Variants in DLGAP2 observed in about 807,000 individuals in gnomAD.
DLGAP2 encodes DLG associated protein 2.
A neutral mutation model predicts 100.3 loss-of-function variants in DLGAP2; 26 were observed. The ratio of observed to expected loss-of-function variants is 0.26; its 90% CI spans 0.19 to 0.36. The LOEUF is 0.36. Ranked by LOEUF, DLGAP2 falls within the 10% of genes least tolerant of loss-of-function variation. DLGAP2 has a pLI of 1.00. For missense variants in DLGAP2, 1,858 were observed against 1,453.2 expected (o/e 1.28, Z -4.53); for synonymous variants, 886 against 630.1 (o/e 1.41, Z -6.08).
At chr8:895,491 G>A (rs1311668845) in intron 1 of DLGAP2, among the ~76,000 whole-genome samples, 2 of 152,176 alleles carry the variant, frequency 1.3e-5, no homozygotes, top group Non-Finnish European at 2.9e-5. Context: ...CACGCTTGGC[G>A]CTGATGAGGA....
At chr8:1,320,355 T>C (rs1346383852) in intron 3 of DLGAP2, among the ~76,000 whole-genome samples, 1 of 152,022 alleles carries the variant, frequency 6.6e-6, no homozygotes, top group East Asian at 1.9e-4. Context: ...GAGGGAACCG[T>C]AGCGTCGCAT....
At chr8:1,673,472 C>G (rs1798739001) in intron 10 of DLGAP2, among the ~76,000 whole-genome samples, 1 of 152,248 alleles carries the variant, frequency 6.6e-6, no homozygotes, top group African/African-American at 2.4e-5. Flanking sequence ...ACTTTACCAT[C>G]CAGCAATGGA....
chr8:1,620,118 A>G (rs1253667646), intron 6 of DLGAP2, among the ~76,000 whole-genome samples: 10 of 152,296 alleles, frequency 6.6e-5, no homozygotes, highest in African/African-American at 1.7e-4. Context: ...AAGTTGTTCA[A>G]AAGTTCCACT....
intron 1 of DLGAP2, among the ~76,000 whole-genome samples, chr8:768,873 G>T (rs946540900): frequency 1.3e-5 from 2 of 152,282 alleles, no homozygotes; most frequent in African/African-American, 4.8e-5. Flanking sequence ...TCATGTGTCT[G>T]GGGTCAGGAG....
intron 3 of DLGAP2, among the ~76,000 whole-genome samples, chr8:1,455,570 C>T (rs1166367130): frequency 6.6e-6 from 1 of 152,246 alleles, no homozygotes; most frequent in Non-Finnish European, 1.5e-5. Flanking sequence ...GGACCTTTTG[C>T]TTTTCCTTGC....
chr8:765,963 T>G (rs1292700094), intron 1 of DLGAP2, among the ~76,000 whole-genome samples: 1 of 152,190 alleles, frequency 6.6e-6, no homozygotes, highest in African/African-American at 2.4e-5. Flanking sequence ...GGTCGGGAAT[T>G]CGAGACCAGT....
chr8:956,311 G>A (rs1799596491), intron 2 of DLGAP2, among the ~76,000 whole-genome samples: 1 of 152,174 alleles, frequency 6.6e-6, no homozygotes, highest in Admixed American at 6.5e-5. Context: ...GCTTGGCAAG[G>A]CCAGGCCTTG....
At chr8:1,165,356 C>G (rs549839981) in intron 2 of DLGAP2, among the ~76,000 whole-genome samples, 1 of 152,162 alleles carries the variant, frequency 6.6e-6, no homozygotes, top group African/African-American at 2.4e-5. Context: ...CCAGGACCAT[C>G]GGCCGTTGGC....
chr8:853,296 C>G (rs1189306940), intron 1 of DLGAP2, among the ~76,000 whole-genome samples: 1 of 152,182 alleles, frequency 6.6e-6, no homozygotes, highest in Non-Finnish European at 1.5e-5. Flanking sequence ...GAGCTGTTCC[C>G]CACAGAGTCC....
At chr8:924,634 G>A (rs1006295803) in intron 2 of DLGAP2, among the ~76,000 whole-genome samples, 1 of 151,720 alleles carries the variant, frequency 6.6e-6, no homozygotes, top group Non-Finnish European at 1.5e-5. Context: ...CCAGGCTGGA[G>A]TGCAATGGCG....
In DLGAP2 at chr8:1,287,633, A is replaced by AGT. The variant is rs782499346; in HGVS notation, c.106+28775_106+28776dup. ...CTGTTAGGGGAACTAGTTTCGGTTG[A>AGT]GTGTGTGTGTGTGTGTGTGTGTGTG... On this transcript the variant is annotated intron_variant, in intron 3 of 14. Coordinates refer to ENST00000637795, the MANE Select transcript of DLGAP2 (RefSeq NM_001346810.2). 8.8e-3 allele frequency among the ~76,000 whole-genome samples: 616 copies of AGT among 69,632 alleles called. 66 individuals are homozygous for AGT. Among genetic ancestry groups the AGT allele is most frequent in the East Asian group, 0.01 (18 of 1,788 alleles). 45.7% of individuals were successfully genotyped at this position (69,632 alleles called of 152,430 possible). A position where few individuals can be genotyped will look rare whatever the true frequency, so the allele number is the denominator to read the frequency against.
chr8:1,354,492 A>T (rs76170385), intron 3 of DLGAP2, among the ~76,000 whole-genome samples: 1 of 152,232 alleles, frequency 6.6e-6, no homozygotes, highest in Non-Finnish European at 1.5e-5. Context: ...CAGCCTGAGC[A>T]ACAGAGCGAG....
intron 2 of DLGAP2, among the ~76,000 whole-genome samples, chr8:1,156,204 C>CCCTGGGTCTG (rs1796781813): frequency 6.6e-6 from 1 of 152,160 alleles, no homozygotes; most frequent in African/African-American, 2.4e-5. Flanking sequence ...CTCCCTCTGC[C>CCCTGGGTCTG]GCCGGGAGCG....
intron 2 of DLGAP2, among the ~76,000 whole-genome samples, chr8:1,232,544 TGTG>T (rs1798558965): frequency 1.3e-5 from 2 of 152,216 alleles, no homozygotes; most frequent in Admixed American, 1.3e-4. Context: ...TGAGGCTCAA[TGTG>T]GTGATGGGGG....
chr8:1,641,575 G>A (rs1056749234), intron 8 of DLGAP2, among the ~76,000 whole-genome samples: 9 of 152,126 alleles, frequency 5.9e-5, no homozygotes, highest in Admixed American at 3.9e-4. Flanking sequence ...AGTTGACAAC[G>A]ATCTGCGTCT....
At chr8:764,829 A>G (rs1431056938) in intron 1 of DLGAP2, among the ~76,000 whole-genome samples, 1 of 152,318 alleles carries the variant, frequency 6.6e-6, no homozygotes, top group African/African-American at 2.4e-5. Flanking sequence ...TATTCTAAAT[A>G]CTAGCCACAG....
chr8:1,447,777 C>G (rs1009509194), intron 3 of DLGAP2, among the ~76,000 whole-genome samples: 2 of 152,172 alleles, frequency 1.3e-5, no homozygotes, highest in African/African-American at 4.8e-5. Context: ...TGTTACTGGT[C>G]TATTCAGAGA....
chr8:1,126,631 G>C (rs535162142), intron 2 of DLGAP2, among the ~76,000 whole-genome samples: 1 of 152,260 alleles, frequency 6.6e-6, no homozygotes, highest in East Asian at 1.9e-4. Context: ...GTCTCGGGGT[G>C]ATCAGAGGCT....
At chr8:1,417,039 C>G (rs1031753850) in intron 3 of DLGAP2, among the ~76,000 whole-genome samples, 7 of 85,328 alleles carry the variant, frequency 8.2e-5, no homozygotes, top group Non-Finnish European at 1.7e-4. Context: ...GTCAGCGGTC[C>G]CGCCCCACAC....
Sources: allele counts gnomAD v4.1 joint callset (sites outside exome capture counted in the v4.1 genomes callset), GRCh38; gene constraint gnomAD v4.1.1; transcripts MANE v1.5; gene names NCBI Gene and HGNC (gene_info 2026-07-23, HGNC 2026-07-21).